The following RRN3 variants were observed in gnomAD, a reference collection of about 807,000 sequenced individuals.
RRN3 encodes the protein RNA polymerase I transcription factor RRN3.
Under a neutral mutation model 82.3 loss-of-function variants are expected in RRN3, and 38 were observed. The ratio of observed to expected loss-of-function variants is 0.46; its 90% confidence interval spans 0.36 to 0.61. The LOEUF (loss-of-function observed/expected upper bound fraction) is 0.61. Among genes scored for constraint, RRN3 ranks in the 20% least tolerant of loss-of-function variants. The probability of loss-of-function intolerance (pLI) is 0.00; values close to 1 mark genes in which losing one functional copy is unlikely to be tolerated. For synonymous variants in RRN3, 284 were observed against 284.3 expected, an observed-to-expected ratio of 1.00 and a Z score of 0.01; for missense variants, 726 against 793.1, an observed-to-expected ratio of 0.92 and a Z score of 1.02.
intron 11 of RRN3, among the ~76,000 whole-genome samples, chr16:15,073,994 C>T (rs533655115): frequency 6.6e-6 from 1 of 152,134 alleles, no homozygotes; most frequent in African/African-American, 2.4e-5. Flanking sequence ...GTGTGACACC[C>T]AAATTCACTA....
At position 15,079,935 on chromosome 16, in the gene RRN3, T is replaced by C. The variant is rs2045627678; in HGVS notation, c.765+63A>G. On this transcript the variant is annotated intron_variant, in intron 9 of 17. Transcript: ENST00000198767. ...TCTATCACTGACTATTGTTTCCACA[T>C]ACTGTGATTATAACAAATTCAAGTC... 13 of 1,467,412 alleles carry C rather than the reference T, an allele frequency of 8.9e-6. No homozygotes were observed. In the Admixed American group the frequency reaches 2.0e-4, roughly 23 times the overall value. The allele number at this position is 1,467,412 out of a possible 1,614,324, so 90.9% of individuals were successfully genotyped here.
chr16:15,093,296 G>A (rs2046214825), intron 1 of RRN3, among the ~76,000 whole-genome samples: 1 of 152,160 alleles, frequency 6.6e-6, no homozygotes, highest in South Asian at 2.1e-4. Flanking sequence ...GAGCAACCGC[G>A]CCCGGCCTAG....
rs184986413 is a variant in RRN3, at chr16:15,068,339, C to T, written c.1445-62G>A. 2.0e-4 allele frequency: 308 copies of T among 1,508,320 alleles called. 1 individual carries two copies. In the African/African-American group the frequency reaches 4.0e-3, roughly 20 times the overall value. The allele number at this position is 1,508,320 out of a possible 1,614,324, so 93.4% of individuals were successfully genotyped here. ...ACAAATAAGTGAAAAGTGTAAGATA[C>T]TTTTAAAAGCACAAATTATCACACA... is the stretch of plus-strand genomic sequence containing the variant. On this transcript the variant is annotated intron_variant, in intron 14 of 17. Transcript: ENST00000198767.
At chr16:15,078,033 G>C (rs2045539474) in intron 9 of RRN3, among the ~76,000 whole-genome samples, 1 of 152,084 alleles carries the variant, frequency 6.6e-6, no homozygotes, top group Non-Finnish European at 1.5e-5. Context: ...TATTTATTTT[G>C]GTATATCACC....
intron 11 of RRN3, among the ~76,000 whole-genome samples, chr16:15,073,743 A>T (rs1272979293): frequency 6.6e-6 from 1 of 152,244 alleles, no homozygotes; most frequent in East Asian, 1.9e-4. Flanking sequence ...TGGTGAAAAC[A>T]GTAAAAGACA....
rs541535895 is a variant in RRN3 at position 15,077,590 on chromosome 16, C to G, written c.766-940G>C. ...GGTGCAGTGGCTCACGCCTGTAATC[C>G]GAGCTCTTTGGGAGGCCGAGGTGGA... On this transcript the variant is annotated intron_variant, in intron 9 of 17. Transcript: ENST00000198767. Among the ~76,000 whole-genome samples, 75 of 152,288 alleles carry G rather than the reference C, an allele frequency of 4.9e-4. 1 individual carries two copies. The South Asian group carries it at 6.0e-3, about 12-fold the overall frequency.
chr16:15,088,065 A>G (rs1300754214), intron 3 of RRN3, among the ~76,000 whole-genome samples: 1 of 152,140 alleles, frequency 6.6e-6, no homozygotes, highest in Non-Finnish European at 1.5e-5. Context: ...GCAGTGAGCC[A>G]AGATCATGCC....
At chr16:15,087,540 T>G (rs1320486686) in intron 3 of RRN3, among the ~76,000 whole-genome samples, 2 of 152,182 alleles carry the variant, frequency 1.3e-5, no homozygotes, top group African/African-American at 4.8e-5. Flanking sequence ...GAGTGCTTAC[T>G]ATGCCATATC....
chr16:15,081,535 C>T (rs570047681), intron 8 of RRN3, among the ~76,000 whole-genome samples: 2 of 152,204 alleles, frequency 1.3e-5, no homozygotes, highest in South Asian at 4.1e-4. Flanking sequence ...GGGCTATTTG[C>T]CCTTTTATTA....
At chr16:15,082,814 T>G (rs1314367222) in intron 8 of RRN3, among the ~76,000 whole-genome samples, 1 of 152,174 alleles carries the variant, frequency 6.6e-6, no homozygotes, top group Non-Finnish European at 1.5e-5. Flanking sequence ...GCACAGATGA[T>G]CTGAACATTG....
chr16:15,065,635 G>T (rs534265553), intron 15 of RRN3, among the ~76,000 whole-genome samples: 1 of 152,176 alleles, frequency 6.6e-6, no homozygotes, highest in East Asian at 1.9e-4. Context: ...ATGAGTAATA[G>T]ATATTATTCA....
At chr16:15,072,587 G>C (rs1567197714) in intron 12 of RRN3, among the ~76,000 whole-genome samples, 1 of 152,042 alleles carries the variant, frequency 6.6e-6, no homozygotes, top group Non-Finnish European at 1.5e-5. Context: ...CAGATCACTT[G>C]TGGTCAGGAG....
chr16:15,084,735 A>T, intron 6 of RRN3, 30 bp from the exon 7 acceptor site: 1 of 1,552,980 alleles, frequency 6.4e-7, no homozygotes, highest in Non-Finnish European at 8.9e-7. Context: ...GAGTATGAGC[A>T]TCAAAACAAA....
chr16:15,071,366 C>G, intron 12 of RRN3, 115 bp from the exon 13 acceptor site: 1 of 959,252 alleles, frequency 1.0e-6, no homozygotes, highest in Admixed American at 2.4e-5. Flanking sequence ...TATCTCATAA[C>G]TATCTCATGG....
At chr16:15,077,029 G>C (rs1469101649) in intron 9 of RRN3, among the ~76,000 whole-genome samples, 1 of 150,810 alleles carries the variant, frequency 6.6e-6, no homozygotes, top group Non-Finnish European at 1.5e-5. Flanking sequence ...GCCCAGGCTG[G>C]AATACAATGG....
intron 9 of RRN3, 68 bp from the exon 10 acceptor site, chr16:15,076,718 G>C: frequency 8.9e-7 from 1 of 1,123,688 alleles, no homozygotes; most frequent in Non-Finnish European, 1.3e-6. Flanking sequence ...TTTTGGGATG[G>C]AAATTCATCT....
intron 10 of RRN3, 44 bp from the exon 11 acceptor site, chr16:15,074,905 T>G (rs745919614): frequency 1.3e-6 from 2 of 1,550,564 alleles, no homozygotes; most frequent in South Asian, 2.4e-5. Flanking sequence ...AAATTCAATG[T>G]CAAAGTGGTT....
At chr16:15,062,238 C>G (rs1202608702) in intron 17 of RRN3, among the ~76,000 whole-genome samples, 1 of 152,166 alleles carries the variant, frequency 6.6e-6, no homozygotes, top group South Asian at 2.1e-4. Context: ...ACATTGTAAT[C>G]ATTTGTTTCA....
intron 6 of RRN3, among the ~76,000 whole-genome samples, chr16:15,085,355 C>T (rs946934280): frequency 2.6e-5 from 4 of 151,894 alleles, no homozygotes; most frequent in Non-Finnish European, 5.9e-5. Flanking sequence ...CAGTGTCTTG[C>T]CACCAAGCAG....
Sources: gnomAD v4.1 joint callset for allele counts (sites outside exome capture counted in the v4.1 genomes callset) on GRCh38, gnomAD v4.1.1 for gene constraint, MANE v1.5 for transcripts, NCBI Gene and HGNC (gene_info 2026-07-23, HGNC 2026-07-21) for gene names.